Variants in CLIC5 observed in about 807,000 individuals in gnomAD.
The protein encoded by CLIC5 is chloride intracellular channel protein 5.
A neutral mutation model predicts 24.7 loss-of-function variants in CLIC5; 20 were observed. The ratio of observed to expected loss-of-function variants is 0.81; its 90% confidence interval spans 0.57 to 1.18. The LOEUF is 1.18. CLIC5 is among the 50% of genes most tolerant of loss of function. The probability of loss-of-function intolerance (pLI) is 0.00; values close to 1 mark genes in which losing one functional copy is unlikely to be tolerated. For missense variants in CLIC5, 341 were observed against 326.1 expected, an observed-to-expected ratio of 1.05 and a Z score of -0.35; for synonymous variants, 159 against 135.6, an observed-to-expected ratio of 1.17 and a Z score of -1.20.
At chr6:45,920,458 T>A (rs1483038784) in intron 4 of CLIC5, 1 of 389,200 alleles carries the variant, frequency 2.6e-6, no homozygotes, top group African/African-American at 2.2e-5. Flanking sequence ...CATGTTGATA[T>A]AACCAAAGGG....
chr6:46,021,280 T>C (rs571551389), intron 1 of CLIC5, among the ~76,000 whole-genome samples: 29 of 152,246 alleles, frequency 1.9e-4, no homozygotes, highest in African/African-American at 6.7e-4. Context: ...GATAATCCCA[T>C]GTGTGAGCAA....
At chr6:46,083,931 A>C (rs892968334), upstream of CLIC5, among the ~76,000 whole-genome samples, 2 of 152,114 alleles carry the variant, frequency 1.3e-5, no homozygotes, top group African/African-American at 4.8e-5. Context: ...TAGGTCACTC[A>C]GGGCTTGCTT....
At chr6:45,974,522 T>TATATATATATAGAG (rs1339415709) in intron 1 of CLIC5, among the ~76,000 whole-genome samples, 1 of 66,002 alleles carries the variant, frequency 1.5e-5, no homozygotes, top group Non-Finnish European at 2.7e-5. Flanking sequence ...TATATATATA[T>TATATATATATAGAG]AGAGAGAGAG....
intron 1 of CLIC5, among the ~76,000 whole-genome samples, chr6:45,986,118 G>A (rs1193031263): frequency 6.6e-6 from 1 of 152,146 alleles, no homozygotes; most frequent in Non-Finnish European, 1.5e-5. Flanking sequence ...GTGGAACTGT[G>A]AGTCAATTAA....
At chr6:45,952,206 G>C (rs1428875959) in intron 2 of CLIC5, among the ~76,000 whole-genome samples, 1 of 152,152 alleles carries the variant, frequency 6.6e-6, no homozygotes, top group Non-Finnish European at 1.5e-5. Context: ...GGGAAGTACT[G>C]CCTATGGCCA....
intron 5 of CLIC5, among the ~76,000 whole-genome samples, chr6:45,904,498 A>G (rs1248154280): frequency 6.6e-6 from 1 of 151,416 alleles, no homozygotes; most frequent in African/African-American, 2.4e-5. Context: ...GAAATTCTTA[A>G]TAATTTTTAA....
rs553807363 is a variant in CLIC5 at position 45,893,373 on chromosome 6, T to C, written c.624-12185A>G. ...CAAAAGTCCCATGGTTCCAGGTGAA[T>C]GTAAAGTCTTCTTCCACCATTAATT... On this transcript the variant is annotated intron_variant, in intron 6 of 6. Coordinates refer to the CLIC5 transcript ENST00000644324. 3.3e-5 allele frequency among the ~76,000 whole-genome samples: 5 copies of C among 152,276 alleles called. No homozygotes were observed. The South Asian group carries it at 1.0e-3, about 32-fold the overall frequency.
intron 1 of CLIC5, among the ~76,000 whole-genome samples, chr6:45,958,361 C>CTA (rs1262532924): frequency 6.9e-6 from 1 of 145,900 alleles, no homozygotes; most frequent in Non-Finnish European, 1.5e-5. Flanking sequence ...CTGCTATCAG[C>CTA]TATACTATGT....
the CLIC5 span, among the ~76,000 whole-genome samples, chr6:46,111,090 T>C: frequency 2.1e-4 from 32 of 152,304 alleles, 1 homozygote; most frequent in Non-Finnish European, 4.0e-4. Flanking sequence ...GCTGAACCCT[T>C]AATTCTTTCC....
At chr6:46,069,075 G>A (rs1481399439) in intron 1 of CLIC5, among the ~76,000 whole-genome samples, 2 of 152,112 alleles carry the variant, frequency 1.3e-5, no homozygotes, top group Non-Finnish European at 2.9e-5. Flanking sequence ...GGAAGGAAAA[G>A]CATTGAAAGA....
intron 1 of CLIC5, among the ~76,000 whole-genome samples, chr6:46,056,685 C>T (rs1581906214): frequency 6.6e-6 from 1 of 152,156 alleles, no homozygotes; most frequent in Non-Finnish European, 1.5e-5. Context: ...TAATTATTTA[C>T]TGGGATACCA....
exon 7 of CLIC5, chr6:45,881,033 T>C (rs1762258841): frequency 2.5e-6 from 1 of 398,260 alleles, no homozygotes; most frequent in Non-Finnish European, 4.4e-6. Flanking sequence ...CTTAGGTTTT[T>C]TTTTCTGCCT....
chr6:45,920,869 G>T (rs1471799873), intron 4 of CLIC5, among the ~76,000 whole-genome samples: 1 of 152,144 alleles, frequency 6.6e-6, no homozygotes, highest in East Asian at 1.9e-4. Flanking sequence ...ATTTTGAGGA[G>T]AGGCAAAGAT....
chr6:45,900,120 A>G lies in CLIC5; in HGVS notation c.*2968T>C, dbSNP rs1047045906. ...ACCTTCTCTCTGGGCCAAACTCAGA[A>G]GCAGGCATTGCTGACTAGACAGTGA... is the stretch of plus-strand genomic sequence containing the variant. On this transcript the variant is annotated 3_prime_UTR_variant, in exon 6 of 6. Coordinates refer to ENST00000339561, the MANE Select transcript of CLIC5 (RefSeq NM_016929.5). 2 of 152,186 alleles carry G rather than the reference A, an allele frequency of 1.3e-5. No individual in the cohort carries two copies. The highest frequency in any genetic ancestry group is 2.9e-5 in the Non-Finnish European group (2 of 68,054). The allele number at this position is 152,186 out of a possible 1,614,324, so 9.4% of individuals were successfully genotyped here. A position where few individuals can be genotyped will look rare whatever the true frequency, so the allele number is the denominator to read the frequency against.
At chr6:45,894,351 T>G (rs1762375949), downstream of CLIC5, among the ~76,000 whole-genome samples, 1 of 152,174 alleles carries the variant, frequency 6.6e-6, no homozygotes, top group African/African-American at 2.4e-5. Flanking sequence ...AAATCTATTC[T>G]AAGGGAAAAA....
intron 6 of CLIC5, among the ~76,000 whole-genome samples, chr6:45,888,158 G>A (rs1004401008): frequency 1.3e-5 from 2 of 152,084 alleles, no homozygotes; most frequent in Non-Finnish European, 2.9e-5. Flanking sequence ...GGGGTGGGGG[G>A]GATTTCCTGT....
intron 1 of CLIC5, among the ~76,000 whole-genome samples, chr6:46,021,910 A>T (rs1486461985): frequency 6.6e-6 from 1 of 152,218 alleles, no homozygotes. Context: ...AAAAAGGTGA[A>T]TTTTCTGTAT....
At chr6:46,119,040 G>A in the CLIC5 span, among the ~76,000 whole-genome samples, 1 of 152,188 alleles carries the variant, frequency 6.6e-6, no homozygotes, top group Non-Finnish European at 1.5e-5. Context: ...ACAAGTCGAG[G>A]AATATAGGTG....
chr6:46,038,194 GA>G (rs956168238), intron 1 of CLIC5, among the ~76,000 whole-genome samples: 159 of 149,940 alleles, frequency 1.1e-3, no homozygotes, highest in African/African-American at 3.8e-3. Flanking sequence ...TTTCATAAAT[GA>G]AAAAAAAATG....
Sources: gnomAD v4.1 joint callset for allele counts (sites outside exome capture counted in the v4.1 genomes callset) on GRCh38, gnomAD v4.1.1 for gene constraint, MANE v1.5 for transcripts, NCBI Gene and HGNC (gene_info 2026-07-23, HGNC 2026-07-21) for gene names.